Variants in XRCC5 observed in about 807,000 individuals in gnomAD.
XRCC5 encodes DNA repair protein Ku80.
In XRCC5, 12 loss-of-function variants were observed where a neutral mutation model predicts 95.7. The observed-to-expected ratio is 0.13, with a 90% confidence interval of 0.08 to 0.20. XRCC5 has a LOEUF of 0.20. XRCC5 is among the 10% of genes least tolerant of loss of function. The probability of loss-of-function intolerance (pLI) is 1.00; values close to 1 mark genes in which losing one functional copy is unlikely to be tolerated. For missense variants in XRCC5, 595 were observed against 873.9 expected (o/e 0.68, Z 4.02); for synonymous variants, 281 against 290.3 (o/e 0.97, Z 0.33).
chr2:216,159,842 C>T (rs1688915455), intron 14 of XRCC5, among the ~76,000 whole-genome samples: 1 of 152,198 alleles, frequency 6.6e-6, no homozygotes, highest in Admixed American at 6.5e-5. Flanking sequence ...GCCAGGGCTG[C>T]CTCAAGTTAG....
At chr2:216,202,614 T>C (rs1334586476) in intron 19 of XRCC5, among the ~76,000 whole-genome samples, 2 of 152,208 alleles carry the variant, frequency 1.3e-5, no homozygotes, top group Non-Finnish European at 2.9e-5. Context: ...TCTTATACCA[T>C]TGATTCTCAG....
At position 216,153,645 on chromosome 2, in the gene XRCC5, C is replaced by T. The variant is rs532903097; in HGVS notation, c.1670+5369C>T. 3.5e-4 allele frequency among the ~76,000 whole-genome samples: 53 copies of T among 152,318 alleles called. 1 individual carries two copies. The highest frequency in any genetic ancestry group is 1.2e-3 in the African/African-American group (51 of 41,566). The stretch of plus-strand genomic sequence containing the variant: ...TTCTGTTGACCCCCAACTTAAAGCT[C>T]AGGAGACTCAGGATTAGAGAAGATG... On this transcript the variant is annotated intron_variant, in intron 14 of 20. Transcript: ENST00000392132.
Position 216,137,112 on chromosome 2 carries a change from C to T in XRCC5, c.1138C>T (p.Leu380=). 6.2e-7 allele frequency: 1 copy of T among 1,613,342 alleles called. No homozygotes were observed. Among genetic ancestry groups the T allele is most frequent in the Non-Finnish European group, 8.5e-7 (1 of 1,179,618 alleles). Residue 380 remains leucine, a synonymous_variant, in exon 11 of 21, where the codon CTG becomes TTG. Transcript: ENST00000392132. ...DEAAAVALSS[L]IHALDDLDMV... ...GGCAGCTGCAGTTGCACTTTCCTCCCTGATTCATGCTTTGGATGACTTAGA... is the reference window on the plus strand; with the variant it reads ...GGCAGCTGCAGTTGCACTTTCCTCCTTGATTCATGCTTTGGATGACTTAGA...
intron 6 of XRCC5, among the ~76,000 whole-genome samples, chr2:216,125,324 A>G (rs1020673012): frequency 1.3e-5 from 2 of 151,650 alleles, no homozygotes; most frequent in African/African-American, 4.8e-5. Flanking sequence ...CAGCCTCCCT[A>G]GTAGCTGGGA....
intron 18 of XRCC5, 27 bp downstream of exon 18, chr2:216,192,762 A>C (rs62178696): frequency 2.9e-5 from 42 of 1,439,266 alleles, no homozygotes; most frequent in Non-Finnish European, 3.6e-5. Flanking sequence ...CTTTTTTTTT[A>C]AAAAGTATTT....
chr2:216,187,815 ACACACACTCT>A (rs762182179), intron 16 of XRCC5, among the ~76,000 whole-genome samples: 992 of 89,906 alleles, frequency 0.011, 3 homozygotes, highest in African/African-American at 0.014. Flanking sequence ...ACACACACAC[ACACACACTCT>A]CTCTCTCTCT....
At position 216,192,612 on chromosome 2, in the gene XRCC5, C is replaced by T. The variant is rs41302534; in HGVS notation, c.1945-27C>T. ...TTTTGTGTTTGCTCTGACTTGCTGC[C>T]TCCTCTACCCCAACTTGCTACCACA... is the stretch of plus-strand genomic sequence containing the variant. On this transcript the variant is annotated intron_variant, in intron 17 of 20. Coordinates refer to ENST00000392132, the MANE Select transcript of XRCC5 (RefSeq NM_021141.4). The T allele has an allele frequency of 2.3e-3, 3,528 of 1,541,306 alleles. 80 individuals are homozygous for T. In the African/African-American group the frequency reaches 0.042, roughly 18 times the overall value.
intron 19 of XRCC5, among the ~76,000 whole-genome samples, chr2:216,202,692 A>G (rs1689857522): frequency 6.6e-6 from 1 of 152,196 alleles, no homozygotes; most frequent in South Asian, 2.1e-4. Flanking sequence ...CCTTAAAAGA[A>G]GATAAATTCC....
chr2:216,113,744 T>G (rs758961240), intron 2 of XRCC5, among the ~76,000 whole-genome samples: 1 of 152,316 alleles, frequency 6.6e-6, no homozygotes, highest in Non-Finnish European at 1.5e-5. Context: ...GGCTGTGAGC[T>G]CAGTTGGGGC....
At chr2:216,166,383 A>C (rs1689054506) in intron 16 of XRCC5, among the ~76,000 whole-genome samples, 1 of 152,198 alleles carries the variant, frequency 6.6e-6, no homozygotes, top group African/African-American at 2.4e-5. Flanking sequence ...TGGCCTCCCA[A>C]AGTGCTGGGA....
At chr2:216,145,326 T>C (rs1688605593) in intron 13 of XRCC5, among the ~76,000 whole-genome samples, 1 of 152,212 alleles carries the variant, frequency 6.6e-6, no homozygotes, top group African/African-American at 2.4e-5. Context: ...GAGGTTAATT[T>C]AATTCTAGTT....
At chr2:216,111,392 G>A (rs1195420610) in intron 1 of XRCC5, 1 of 451,010 alleles carries the variant, frequency 2.2e-6, no homozygotes, top group Non-Finnish European at 4.4e-6. Flanking sequence ...GGCATGGTGG[G>A]GTGCAACTGT....
intron 14 of XRCC5, among the ~76,000 whole-genome samples, chr2:216,149,264 T>C (rs1281307806): frequency 6.6e-6 from 1 of 152,102 alleles, no homozygotes; most frequent in African/African-American, 2.4e-5. Flanking sequence ...TCTGTGACTT[T>C]CTAAAGGTTA....
intron 13 of XRCC5, among the ~76,000 whole-genome samples, chr2:216,143,676 C>T (rs1178292240): frequency 6.6e-6 from 1 of 150,932 alleles, no homozygotes; most frequent in Non-Finnish European, 1.5e-5. Context: ...AACAATGAAC[C>T]ACGTGCGAAA....
chr2:216,147,339 T>C (rs913868612), intron 13 of XRCC5, among the ~76,000 whole-genome samples: 8 of 152,030 alleles, frequency 5.3e-5, no homozygotes, highest in Admixed American at 5.2e-4. Context: ...TGGCTGGTGA[T>C]GCGATCGAGG....
At position 216,148,040 on chromosome 2, in the gene XRCC5, T is replaced by C. The variant is rs549725745; in HGVS notation, c.1477-43T>C. ...GATCAGAAAATATAAAGAAGCCATA[T>C]ATGTCTCCATCTGTGTTTTAAAATC... On this transcript the variant is annotated intron_variant, in intron 13 of 20. Coordinates refer to ENST00000392132, the MANE Select transcript of XRCC5 (RefSeq NM_021141.4). 561 of 1,574,730 alleles carry C rather than the reference T, an allele frequency of 3.6e-4. 16 individuals carry two copies. The South Asian group carries it at 6.3e-3, about 18-fold the overall frequency.
At chr2:216,183,538 T>C (rs1173022775) in intron 16 of XRCC5, among the ~76,000 whole-genome samples, 5 of 152,236 alleles carry the variant, frequency 3.3e-5, no homozygotes, top group African/African-American at 1.2e-4. Context: ...AATACAGGAC[T>C]GCATCTGTGT....
intron 16 of XRCC5, among the ~76,000 whole-genome samples, chr2:216,168,904 G>A (rs1220595265): frequency 6.6e-6 from 1 of 152,194 alleles, no homozygotes; most frequent in Non-Finnish European, 1.5e-5. Context: ...GAATTCAAAC[G>A]CATGTCTCTT....
intron 16 of XRCC5, among the ~76,000 whole-genome samples, chr2:216,165,367 G>A (rs769735179): frequency 3.9e-5 from 6 of 152,218 alleles, no homozygotes; most frequent in Admixed American, 6.5e-5. Flanking sequence ...AAGACTTGGT[G>A]AATCAGAGCC....
Sources: gnomAD v4.1 joint callset for allele counts (sites outside exome capture counted in the v4.1 genomes callset) on GRCh38, gnomAD v4.1.1 for gene constraint, MANE v1.5 for transcripts, NCBI Gene and HGNC (gene_info 2026-07-23, HGNC 2026-07-21) for gene names.